The following SCP2D1 variants were observed in gnomAD, a reference collection of about 807,000 sequenced individuals.
SCP2D1 encodes SCP2 sterol binding domain containing 1.
A neutral mutation model predicts 9.2 loss-of-function variants in SCP2D1; 8 were observed. That is an observed-to-expected ratio of 0.87 (90% CI 0.51 to 1.57). The LOEUF is 1.57. Ranked by LOEUF, SCP2D1 falls within the 40% of genes most tolerant of loss-of-function variation. The pLI, the probability that SCP2D1 is intolerant of heterozygous loss-of-function variation, is 0.00. For missense variants in SCP2D1, 199 were observed against 186.9 expected, an observed-to-expected ratio of 1.06 and a Z score of -0.38; for synonymous variants, 68 against 70.2, an observed-to-expected ratio of 0.97 and a Z score of 0.16.
rs1568708944 is a variant in SCP2D1 at position 18,814,117 on chromosome 20, G to C, written c.302G>C (p.Arg101Thr). Residue 101 changes from arginine to threonine, a missense_variant, in exon 1 of 1, where the codon AGG becomes ACG. Coordinates refer to ENST00000377428, the MANE Select transcript of SCP2D1 (RefSeq NM_178483.3). ...GSGDMYPGPA[R>T]LPADTVFTIP... ...GGGGACATGTATCCGGGACCTGCCA[G>C]GCTCCCAGCAGACACTGTCTTTACA... 6.2e-7 allele frequency: 1 copy of C among 1,614,190 alleles called. No individual in the cohort carries two copies. Among genetic ancestry groups the C allele is most frequent in the Admixed American group, 1.7e-5 (1 of 60,026 alleles).
Position 18,814,020 on chromosome 20 carries a change from G to A in SCP2D1, c.205G>A (p.Val69Ile), listed in dbSNP as rs138668529. The change falls in exon 1 of 1, where the codon GTC becomes ATC. Residue 69 changes from valine (V) to isoleucine (I), a missense_variant. Val to Ile is a conservative substitution (Grantham distance 29). Coordinates refer to ENST00000377428, the MANE Select transcript of SCP2D1 (RefSeq NM_178483.3). ...GAQLVKKVNA[V>I]FQLDITKNGK... ...TCAATTGGTCAAGAAAGTCAATGCCGTCTTTCAGCTGGACATCACCAAAAA... is the reference window on the plus strand; with the variant it reads ...TCAATTGGTCAAGAAAGTCAATGCCATCTTTCAGCTGGACATCACCAAAAA... The A allele has an allele frequency of 4.6e-5, 75 of 1,614,190 alleles. No homozygotes were observed. Among genetic ancestry groups the A allele is most frequent in the Admixed American group, 1.7e-4 (10 of 60,026 alleles).
At position 18,814,141 on chromosome 20, in the gene SCP2D1, C is replaced by A. The variant is rs200754774; in HGVS notation, c.326C>A (p.Thr109Lys). Residue 109 changes from threonine (T) to lysine (K), a missense_variant, in exon 1 of 1, where the codon ACA becomes AAA. Transcript: ENST00000377428. ...PARLPADTVF[T>K]IPESVFMELV... ...AGGCTCCCAGCAGACACTGTCTTTA[C>A]AATCCCGGAGTCTGTCTTTATGGAG... 16 of 1,614,056 alleles carry A rather than the reference C, an allele frequency of 9.9e-6. No homozygotes were observed. The highest frequency in any genetic ancestry group is 1.7e-5 in the Admixed American group (1 of 60,008).
At position 18,813,796 on chromosome 20, in the gene SCP2D1, CA is replaced by C. The variant is rs1277299521; in HGVS notation, c.-19del. The C allele has an allele frequency of 6.3e-7, 1 of 1,593,118 alleles. No individual in the cohort carries two copies. Among genetic ancestry groups the C allele is most frequent in the East Asian group, 2.2e-5 (1 of 44,660 alleles). On this transcript the variant is annotated 5_prime_UTR_variant, in exon 1 of 1. It introduces an in-frame stop codon into an upstream open reading frame of the 5' UTR. Transcript: ENST00000377428. ...TGCTCACAGACTAGATGGCAAGGTC[CA>C]GGGGACTAGCACAGGAAGATGTGGA... is the stretch of plus-strand genomic sequence containing the variant.
rs1460126036 is a variant in SCP2D1 at position 18,813,942 on chromosome 20, G to T, written c.127G>T (p.Glu43Ter). 1 of 1,614,206 alleles carries T rather than the reference G, an allele frequency of 6.2e-7. No homozygotes were observed. The highest frequency in any genetic ancestry group is 8.5e-7 in the Non-Finnish European group (1 of 1,180,038). The stretch of plus-strand genomic sequence containing the variant: ...ACATCCTCTAGAGCTGTCAGAATTT[G>T]AGAGCTTCCCAGTGTTTCAGGACAT... ...MPHPLELSEF[E>*]SFPVFQDIRL... The change falls in exon 1 of 1, where the codon GAG becomes TAG. Residue 43 changes from glutamate to a stop codon, truncating the protein, a stop_gained. Transcript: ENST00000377428. LOFTEE classifies it high-confidence loss of function.
At position 18,814,190 on chromosome 20, in the gene SCP2D1, G is replaced by A. The variant is rs543584703; in HGVS notation, c.375G>A (p.Pro125=). 6.2e-6 allele frequency: 10 copies of A among 1,614,172 alleles called. No homozygotes were observed. Among genetic ancestry groups the A allele is most frequent in the South Asian group, 5.5e-5 (5 of 91,076 alleles). The change falls in exon 1 of 1, where the codon CCG becomes CCA. Residue 125 remains proline, a synonymous_variant. Transcript: ENST00000377428. ...FMELVLGKMN[P]QKAFLAGKFK... The stretch of plus-strand genomic sequence containing the variant: ...AGCTGGTTTTGGGCAAAATGAACCC[G>A]CAGAAGGCTTTCCTTGCCGGAAAGT...
At position 18,813,878 on chromosome 20, in the gene SCP2D1, G is replaced by A. The variant is rs764298632; in HGVS notation, c.63G>A (p.Gln21=). ...IKAEDGPLVG[Q]FEVLGSVPEP... The stretch of plus-strand genomic sequence containing the variant: ...CAGAGGATGGACCTCTGGTGGGCCA[G>A]TTCGAGGTTCTGGGTTCAGTTCCAG... Residue 21 remains glutamine, a synonymous_variant, in exon 1 of 1, where the codon CAG becomes CAA. Transcript: ENST00000377428. 6.2e-7 allele frequency: 1 copy of A among 1,613,764 alleles called. No individual in the cohort carries two copies. Among genetic ancestry groups the A allele is most frequent in the Non-Finnish European group, 8.5e-7 (1 of 1,180,012 alleles).
Position 18,814,299 on chromosome 20 carries a change from A to G in SCP2D1, c.*13A>G. On this transcript the variant is annotated 3_prime_UTR_variant, in exon 1 of 1. Coordinates refer to ENST00000377428, the MANE Select transcript of SCP2D1 (RefSeq NM_178483.3). ...GGCTAAATTTTAAGCATGCAAAAATACCAAGGAAGAACTTCTCTTCGATGA... is the reference window on the plus strand; with the variant it reads ...GGCTAAATTTTAAGCATGCAAAAATGCCAAGGAAGAACTTCTCTTCGATGA... 10 of 1,573,194 alleles carry G rather than the reference A, an allele frequency of 6.4e-6. No homozygotes were observed. Among genetic ancestry groups the G allele is most frequent in the Non-Finnish European group, 8.7e-6 (10 of 1,147,176 alleles).
chr20:18,814,121 C>T lies in SCP2D1; in HGVS notation c.306C>T (p.Leu102=), dbSNP rs760053782. 6.2e-7 allele frequency: 1 copy of T among 1,614,130 alleles called. No homozygotes were observed. Among genetic ancestry groups the T allele is most frequent in the East Asian group, 2.2e-5 (1 of 44,880 alleles). The change falls in exon 1 of 1, where the codon CTC becomes CTT. Residue 102 remains leucine (L), a synonymous_variant. Coordinates refer to ENST00000377428, the MANE Select transcript of SCP2D1 (RefSeq NM_178483.3). ...ACATGTATCCGGGACCTGCCAGGCT[C>T]CCAGCAGACACTGTCTTTACAATCC... ...SGDMYPGPAR[L]PADTVFTIPE...
rs779754662 is a variant in SCP2D1, at chr20:18,814,098, A to G, written c.283A>G (p.Met95Val). The change falls in exon 1 of 1, where the codon ATG becomes GTG. Residue 95 changes from methionine to valine, a missense_variant. Coordinates refer to ENST00000377428, the MANE Select transcript of SCP2D1 (RefSeq NM_178483.3). ...TGATCTGAAGAATGGTTCTGGGGAC[A>G]TGTATCCGGGACCTGCCAGGCTCCC... Reference protein sequence around the residue: ...TIDLKNGSGDMYPGPARLPAD... With the variant: ...TIDLKNGSGDVYPGPARLPAD... 2.5e-6 allele frequency: 4 copies of G among 1,614,096 alleles called. No homozygotes were observed. The African/African-American group carries it at 4.0e-5, about 16-fold the overall frequency.
In SCP2D1 at chr20:18,813,878, G is replaced by T. The variant is rs764298632; in HGVS notation, c.63G>T (p.Gln21His). 1.2e-6 allele frequency: 2 copies of T among 1,613,764 alleles called. No individual in the cohort carries two copies. The highest frequency in any genetic ancestry group is 1.3e-5 in the African/African-American group (1 of 75,050). The change falls in exon 1 of 1, where the codon CAG becomes CAT. Residue 21 changes from glutamine to histidine, a missense_variant. By Grantham distance (24) the Gln-to-His change is conservative (BLOSUM62 0). Transcript: ENST00000377428. ...CAGAGGATGGACCTCTGGTGGGCCA[G>T]TTCGAGGTTCTGGGTTCAGTTCCAG... ...IKAEDGPLVG[Q>H]FEVLGSVPEP...
Position 18,813,809 on chromosome 20 carries a change from C to T in SCP2D1, c.-7C>T. The T allele has an allele frequency of 6.2e-7, 1 of 1,606,548 alleles. No homozygotes were observed. Among genetic ancestry groups the T allele is most frequent in the East Asian group, 2.2e-5 (1 of 44,788 alleles). Reference sequence around the variant, plus strand: ...GATGGCAAGGTCCAGGGGACTAGCACAGGAAGATGTGGAAGAGAAGTGACC... The same window carrying T: ...GATGGCAAGGTCCAGGGGACTAGCATAGGAAGATGTGGAAGAGAAGTGACC... On this transcript the variant is annotated 5_prime_UTR_variant, in exon 1 of 1. It introduces an in-frame stop codon into an upstream open reading frame of the 5' UTR. Transcript: ENST00000377428.
chr20:18,814,322 T>C lies in SCP2D1; in HGVS notation c.*36T>C. 6.8e-7 allele frequency: 1 copy of C among 1,465,582 alleles called. No individual in the cohort carries two copies. Among genetic ancestry groups the C allele is most frequent in the Non-Finnish European group, 9.5e-7 (1 of 1,057,994 alleles). 90.8% of individuals were successfully genotyped at this position (1,465,582 alleles called of 1,614,324 possible). On this transcript the variant is annotated 3_prime_UTR_variant, in exon 1 of 1. Coordinates refer to ENST00000377428, the MANE Select transcript of SCP2D1 (RefSeq NM_178483.3). ...ATACCAAGGAAGAACTTCTCTTCGATGATAATGTCGAGTGGAAATCATGCT... is the reference window on the plus strand; with the variant it reads ...ATACCAAGGAAGAACTTCTCTTCGACGATAATGTCGAGTGGAAATCATGCT...
At position 18,814,081 on chromosome 20, in the gene SCP2D1, A is replaced by G. The variant is rs751079747; in HGVS notation, c.266A>G (p.Lys89Arg). ...KTILRWTIDL[K>R]NGSGDMYPGP... ...ATTTTGCGGTGGACCATTGATCTGA[A>G]GAATGGTTCTGGGGACATGTATCCG... The change falls in exon 1 of 1, where the codon AAG (lysine) becomes AGG (arginine). Residue 89 changes from lysine to arginine, a missense_variant. By Grantham distance (26) the Lys-to-Arg change is conservative (BLOSUM62 2). Transcript: ENST00000377428. 3.1e-6 allele frequency: 5 copies of G among 1,614,180 alleles called. No individual in the cohort carries two copies. The highest frequency in any genetic ancestry group is 3.4e-6 in the Non-Finnish European group (4 of 1,180,020).
chr20:18,813,871 T>C lies in SCP2D1; in HGVS notation c.56T>C (p.Val19Ala), dbSNP rs763146845. The change falls in exon 1 of 1, where the codon GTG becomes GCG. Residue 19 changes from valine (V) to alanine (A), a missense_variant. Physicochemically the swap from Val to Ala is moderately conservative, Grantham distance 64. Transcript: ENST00000377428. ...ATCAAAGCAGAGGATGGACCTCTGG[T>C]GGGCCAGTTCGAGGTTCTGGGTTCA... ...PKIKAEDGPL[V>A]GQFEVLGSVP... 3 of 1,613,548 alleles carry C rather than the reference T, an allele frequency of 1.9e-6. No homozygotes were observed. Among genetic ancestry groups the C allele is most frequent in the Middle Eastern group, 1.8e-4 (1 of 5,568 alleles).
In SCP2D1 at chr20:18,813,937, A is replaced by C; in HGVS notation, c.122A>C (p.Glu41Ala). The C allele has an allele frequency of 6.2e-7, 1 of 1,614,146 alleles. No individual in the cohort carries two copies. The change falls in exon 1 of 1, where the codon GAA becomes GCA. Residue 41 changes from glutamate (E) to alanine (A), a missense_variant. By Grantham distance (107) the Glu-to-Ala change is moderately radical (BLOSUM62 -1). Transcript: ENST00000377428. Reference protein sequence around the residue: ...PAMPHPLELSEFESFPVFQDI... With the variant: ...PAMPHPLELSAFESFPVFQDI... Reference sequence around the variant, plus strand: ...ATGCCACATCCTCTAGAGCTGTCAGAATTTGAGAGCTTCCCAGTGTTTCAG... The same window carrying C: ...ATGCCACATCCTCTAGAGCTGTCAGCATTTGAGAGCTTCCCAGTGTTTCAG...
chr20:18,814,079 G>A lies in SCP2D1; in HGVS notation c.264G>A (p.Leu88=), dbSNP rs1568708917. Residue 88 remains leucine, a synonymous_variant, in exon 1 of 1, where the codon CTG becomes CTA. Coordinates refer to ENST00000377428, the MANE Select transcript of SCP2D1 (RefSeq NM_178483.3). ...GKTILRWTID[L]KNGSGDMYPG... ...CCATTTTGCGGTGGACCATTGATCTGAAGAATGGTTCTGGGGACATGTATC... is the reference window on the plus strand; with the variant it reads ...CCATTTTGCGGTGGACCATTGATCTAAAGAATGGTTCTGGGGACATGTATC... 1 of 1,614,196 alleles carries A rather than the reference G, an allele frequency of 6.2e-7. No individual in the cohort carries two copies.
Position 18,814,320 on chromosome 20 carries a change from G to T in SCP2D1, c.*34G>T. 1 of 1,468,914 alleles carries T rather than the reference G, an allele frequency of 6.8e-7. No individual in the cohort carries two copies. Among genetic ancestry groups the T allele is most frequent in the Non-Finnish European group, 9.4e-7 (1 of 1,059,620 alleles). The allele number at this position is 1,468,914 out of a possible 1,614,324, so 91.0% of individuals were successfully genotyped here. On this transcript the variant is annotated 3_prime_UTR_variant, in exon 1 of 1. Transcript: ENST00000377428. ...AAATACCAAGGAAGAACTTCTCTTCGATGATAATGTCGAGTGGAAATCATG... is the reference window on the plus strand; with the variant it reads ...AAATACCAAGGAAGAACTTCTCTTCTATGATAATGTCGAGTGGAAATCATG...
Position 18,813,998 on chromosome 20 carries a change from A to C in SCP2D1, c.183A>C (p.Gln61His). 6.2e-7 allele frequency: 1 copy of C among 1,614,240 alleles called. No homozygotes were observed. The highest frequency in any genetic ancestry group is 2.2e-5 in the East Asian group (1 of 44,888). The change falls in exon 1 of 1, where the codon CAA (glutamine) becomes CAC (histidine). Residue 61 changes from glutamine to histidine, a missense_variant. By Grantham distance (24) the Gln-to-His change is conservative. Coordinates refer to ENST00000377428, the MANE Select transcript of SCP2D1 (RefSeq NM_178483.3). ...TTCACATCAGGGAAGTGGGAGCTCAATTGGTCAAGAAAGTCAATGCCGTCT... is the reference window on the plus strand; with the variant it reads ...TTCACATCAGGGAAGTGGGAGCTCACTTGGTCAAGAAAGTCAATGCCGTCT... ...IRLHIREVGA[Q>H]LVKKVNAVFQ... is the part of the protein sequence containing the mutation.
rs2061500637 is a variant in SCP2D1 at position 18,814,308 on chromosome 20, G to A, written c.*22G>A. 2.0e-6 allele frequency: 3 copies of A among 1,535,218 alleles called. No homozygotes were observed. Among genetic ancestry groups the A allele is most frequent in the African/African-American group, 2.7e-5 (2 of 72,992 alleles). On this transcript the variant is annotated 3_prime_UTR_variant, in exon 1 of 1. Transcript: ENST00000377428. ...TTAAGCATGCAAAAATACCAAGGAA[G>A]AACTTCTCTTCGATGATAATGTCGA...
Sources: gnomAD v4.1 joint callset for allele counts on GRCh38, gnomAD v4.1.1 for gene constraint, MANE v1.5 for transcripts, NCBI Gene and HGNC (gene_info 2026-07-23, HGNC 2026-07-21) for gene names.